The following IRAK3 variants were observed in gnomAD, a reference collection of about 807,000 sequenced individuals.
The protein encoded by IRAK3 is interleukin-1 receptor-associated kinase 3.
In IRAK3, 57 loss-of-function variants were observed where a neutral mutation model predicts 56.6. The ratio of observed to expected loss-of-function variants is 1.01; its 90% CI spans 0.81 to 1.26. The LOEUF (loss-of-function observed/expected upper bound fraction) is 1.26, where lower values mean the gene tolerates loss of function less well. Among genes scored for constraint, IRAK3 ranks in the 50% most tolerant of loss-of-function variants. The pLI, the probability that IRAK3 is intolerant of heterozygous loss-of-function variation, is 0.00. For synonymous variants in IRAK3, 258 were observed against 255.7 expected (o/e 1.01, Z -0.09); for missense variants, 703 against 719.0 (o/e 0.98, Z 0.25).
At chr12:66,225,838 T>C (rs1380730305) in intron 6 of IRAK3, among the ~76,000 whole-genome samples, 1 of 152,218 alleles carries the variant, frequency 6.6e-6, no homozygotes, top group East Asian at 1.9e-4. Context: ...ACATTACTAG[T>C]CATATGGATT....
chr12:66,197,577 T>C, intron 1 of IRAK3: 1 of 985,468 alleles, frequency 1.0e-6, no homozygotes, highest in Non-Finnish European at 1.2e-6. Flanking sequence ...GAAAACATAT[T>C]TCATTTCCAG....
At chr12:66,206,072 G>A (rs1334702899) in intron 2 of IRAK3, among the ~76,000 whole-genome samples, 1 of 151,578 alleles carries the variant, frequency 6.6e-6, no homozygotes, top group African/African-American at 2.4e-5. Flanking sequence ...CTTTCTACTG[G>A]CTTCTTCTTA....
chr12:66,242,456 C>G (rs977241422), intron 8 of IRAK3, among the ~76,000 whole-genome samples: 3 of 152,152 alleles, frequency 2.0e-5, no homozygotes, highest in Admixed American at 2.0e-4. Context: ...TGAGGTATGT[C>G]AGGATAGTCA....
At position 66,248,232 on chromosome 12, in the gene IRAK3, C is replaced by A; in HGVS notation, c.*61C>A. On this transcript the variant is annotated 3_prime_UTR_variant, in exon 12 of 12. Coordinates refer to ENST00000261233, the MANE Select transcript of IRAK3 (RefSeq NM_007199.3). ...CATAGGCACCTGAGCATAGGTATGA[C>A]CTTGGGAAGACATTGGCTCCATAAG... 8.2e-7 allele frequency: 1 copy of A among 1,223,646 alleles called. No individual in the cohort carries two copies. Among genetic ancestry groups the A allele is most frequent in the Non-Finnish European group, 1.2e-6 (1 of 833,422 alleles). The allele number at this position is 1,223,646 out of a possible 1,614,324, so 75.8% of individuals were successfully genotyped here. A position where few individuals can be genotyped will look rare whatever the true frequency, so the allele number is the denominator to read the frequency against.
intron 1 of IRAK3, among the ~76,000 whole-genome samples, chr12:66,201,007 G>A (rs533778260): frequency 1.2e-4 from 19 of 152,170 alleles, no homozygotes; most frequent in African/African-American, 4.3e-4. Context: ...AGTCAAGATG[G>A]GGTTTCACCA....
At position 66,252,093 on chromosome 12, in the gene IRAK3, C is replaced by T. The variant is rs1306605524; in HGVS notation, c.*3922C>T. 1 of 152,160 alleles carries T rather than the reference C, an allele frequency of 6.6e-6. No individual in the cohort carries two copies. Among genetic ancestry groups the T allele is most frequent in the Non-Finnish European group, 1.5e-5 (1 of 68,044 alleles). 9.4% of individuals were successfully genotyped at this position (152,160 alleles called of 1,614,324 possible). On this transcript the variant is annotated 3_prime_UTR_variant, in exon 12 of 12. Coordinates refer to ENST00000261233, the MANE Select transcript of IRAK3 (RefSeq NM_007199.3). ...TCCACAGCAGCTGTGCACAACCATC[C>T]CTAATGCCAGAAAAATGGGGTAAGG... is the stretch of plus-strand genomic sequence containing the variant.
At chr12:66,193,454 C>T (rs983011566) in intron 1 of IRAK3, among the ~76,000 whole-genome samples, 1 of 152,194 alleles carries the variant, frequency 6.6e-6, no homozygotes, top group Non-Finnish European at 1.5e-5. Context: ...GTGCTGCATT[C>T]ATTACAATAT....
chr12:66,228,420 C>T (rs2136939715), intron 8 of IRAK3, 50 bp downstream of exon 8: 1 of 1,193,074 alleles, frequency 8.4e-7, no homozygotes, highest in Non-Finnish European at 1.3e-6. Flanking sequence ...CTTTTATCCT[C>T]ACATGTGAGT....
intron 1 of IRAK3, chr12:66,197,340 G>C (rs868477719): frequency 2.0e-6 from 2 of 1,022,906 alleles, no homozygotes; most frequent in Middle Eastern, 4.7e-4. Context: ...AAGGGGACAC[G>C]TAAGGGAGAG....
At chr12:66,241,618 C>T (rs1210716460) in intron 8 of IRAK3, among the ~76,000 whole-genome samples, 2 of 152,186 alleles carry the variant, frequency 1.3e-5, no homozygotes, top group Non-Finnish European at 2.9e-5. Flanking sequence ...CCTCAGCTAC[C>T]GCTAACCTTT....
intron 8 of IRAK3, chr12:66,235,054 C>T (rs947290014): frequency 6.2e-7 from 1 of 1,613,242 alleles, no homozygotes. Context: ...GTTGACAGAG[C>T]TTCACCAGGT....
intron 2 of IRAK3, among the ~76,000 whole-genome samples, chr12:66,206,058 G>A (rs186232544): frequency 5.1e-4 from 78 of 152,108 alleles, no homozygotes; most frequent in African/African-American, 1.8e-3. Flanking sequence ...CACAAAATTC[G>A]CAGCTTTCTA....
At chr12:66,236,170 T>C (rs1188171484) in intron 8 of IRAK3, among the ~76,000 whole-genome samples, 1 of 152,186 alleles carries the variant, frequency 6.6e-6, no homozygotes, top group East Asian at 1.9e-4. Context: ...ATCTTTTGTC[T>C]AAAGCAAAGT....
chr12:66,198,401 A>C (rs1296140106), intron 1 of IRAK3, among the ~76,000 whole-genome samples: 1 of 152,104 alleles, frequency 6.6e-6, no homozygotes, highest in Non-Finnish European at 1.5e-5. Flanking sequence ...TGTTGTCTTC[A>C]CTGTTTCTGG....
intron 6 of IRAK3, among the ~76,000 whole-genome samples, chr12:66,223,318 C>A (rs956602114): frequency 3.3e-5 from 5 of 152,076 alleles, no homozygotes; most frequent in African/African-American, 1.2e-4. Flanking sequence ...TCAATGTTTT[C>A]TTTTGCGGAT....
chr12:66,189,500 G>T, intron 1 of IRAK3, 68 bp downstream of exon 1: 1 of 1,035,672 alleles, frequency 9.7e-7, no homozygotes, highest in African/African-American at 1.7e-5. Flanking sequence ...GCTCGGCGTC[G>T]CCCTGCATGG....
intron 5 of IRAK3, 94 bp from the exon 6 acceptor site, chr12:66,217,077 G>A (rs1286422344): frequency 4.4e-5 from 39 of 880,422 alleles, no homozygotes; most frequent in Non-Finnish European, 1.5e-5. Context: ...ACACCAAAAA[G>A]TTCATCTAAT....
intron 2 of IRAK3, among the ~76,000 whole-genome samples, chr12:66,207,635 C>CT (rs1375360436): frequency 1.3e-5 from 2 of 151,960 alleles, no homozygotes; most frequent in African/African-American, 4.8e-5. Context: ...TGCCTTTCTT[C>CT]TTTTTTTAAG....
At chr12:66,222,766 T>C (rs2136934947) in intron 6 of IRAK3, among the ~76,000 whole-genome samples, 1 of 152,296 alleles carries the variant, frequency 6.6e-6, no homozygotes, top group African/African-American at 2.4e-5. Flanking sequence ...ACGCAAATAA[T>C]TTTTTACCAT....
Sources: gnomAD v4.1 joint callset for allele counts (sites outside exome capture counted in the v4.1 genomes callset) on GRCh38, gnomAD v4.1.1 for gene constraint, MANE v1.5 for transcripts, NCBI Gene and HGNC (gene_info 2026-07-23, HGNC 2026-07-21) for gene names.